PPP2R5C: variants seen among roughly 807,000 people sequenced by gnomAD.
PPP2R5C encodes the protein serine/threonine-protein phosphatase 2A 56 kDa regulatory subunit gamma isoform.
A neutral mutation model predicts 68.9 loss-of-function variants in PPP2R5C; 7 were observed. The observed-to-expected ratio is 0.10, with a 90% CI of 0.06 to 0.19. PPP2R5C has a LOEUF of 0.19. Ranked by LOEUF, PPP2R5C falls within the 10% of genes least tolerant of loss-of-function variation. The pLI is 1.00. For synonymous variants in PPP2R5C, 210 were observed against 222.2 expected (o/e 0.95, Z 0.49); for missense variants, 348 against 641.3 (o/e 0.54, Z 4.94).
rs760648999 is a variant in PPP2R5C, at chr14:101,877,238, C to T, written c.295-4923C>T. Among the ~76,000 whole-genome samples, 6 of 152,078 alleles carry T rather than the reference C, an allele frequency of 3.9e-5. No homozygotes were observed. Among genetic ancestry groups the T allele is most frequent in the Non-Finnish European group, 5.9e-5 (4 of 68,014 alleles). On this transcript the variant is annotated intron_variant, in intron 2 of 13. Coordinates refer to ENST00000334743, the Ensembl canonical transcript of PPP2R5C. The surrounding 1 kb of genome is among the most constrained non-coding windows in gnomAD (Gnocchi z 4.2). ...TGCTGGGATTACAGGCATGAGTCAC[C>T]GCGCCTGGCCTTTACCCTTTCCAAT...
chr14:101,776,583 C>T (rs1219006764), intron 2 of PPP2R5C, among the ~76,000 whole-genome samples: 1 of 152,100 alleles, frequency 6.6e-6, no homozygotes, highest in Non-Finnish European at 1.5e-5. Context: ...CCTTGCTGTT[C>T]TCACCATAAG....
At chr14:101,903,138 C>T (rs1344367471) in intron 9 of PPP2R5C, among the ~76,000 whole-genome samples, 15 of 151,590 alleles carry the variant, frequency 9.9e-5, no homozygotes, top group Admixed American at 9.2e-4. Flanking sequence ...ACCAGCGCCA[C>T]GGAGCCCTGG....
At chr14:101,856,992 T>C in intron 2 of PPP2R5C, 107 bp downstream of exon 4, 1 of 1,068,600 alleles carries the variant, frequency 9.4e-7, no homozygotes, top group East Asian at 2.5e-5. Context: ...AATCCTCCTG[T>C]TCCAGAATTT....
exon 2 of PPP2R5C, chr14:101,856,717 T>C: frequency 6.2e-7 from 1 of 1,614,182 alleles, no homozygotes; most frequent in Non-Finnish European, 8.5e-7. Flanking sequence ...AGAAGCTTTT[T>C]ATCCAGAAGT....
chr14:101,765,881 A>G, intron 2 of PPP2R5C: 1 of 151,976 alleles, frequency 6.6e-6, no homozygotes, highest in Non-Finnish European at 1.5e-5. Flanking sequence ...GCCACCATGC[A>G]GCCCCTTTCA....
intron 1 of PPP2R5C, among the ~76,000 whole-genome samples, chr14:101,838,253 G>T (rs903199168): frequency 6.6e-6 from 1 of 152,224 alleles, no homozygotes; most frequent in African/African-American, 2.4e-5. Context: ...CCTGGAGCCG[G>T]TGTGGTGGAA....
chr14:101,890,230 T>C lies in PPP2R5C; in HGVS notation c.630-7T>C. The C allele has an allele frequency of 6.2e-7, 1 of 1,611,466 alleles. No individual in the cohort carries two copies. The highest frequency in any genetic ancestry group is 1.1e-5 in the South Asian group (1 of 90,826). On this transcript the variant is annotated splice_region_variant and splice_polypyrimidine_tract_variant and intron_variant, in intron 5 of 13. Transcript: ENST00000334743. ...TCTAATTCTAATGGGAAAATTGTTT[T>C]TTCTAGGTTTATTTATGAAACAGAG...
intron 1 of PPP2R5C, among the ~76,000 whole-genome samples, chr14:101,852,157 G>A (rs1010471969): frequency 2.2e-4 from 33 of 152,280 alleles, no homozygotes; most frequent in African/African-American, 7.2e-4. Flanking sequence ...GTAATTTCTT[G>A]TTCTTTGTAG....
intron 1 of PPP2R5C, among the ~76,000 whole-genome samples, chr14:101,832,436 G>A (rs1301732321): frequency 2.6e-5 from 4 of 152,148 alleles, no homozygotes; most frequent in African/African-American, 9.7e-5. Context: ...TTAGTAAAAA[G>A]TGTATCCATT....
chr14:101,760,932 C>G (rs1279527005), upstream of PPP2R5C, among the ~76,000 whole-genome samples: 1 of 84,178 alleles, frequency 1.2e-5, no homozygotes, highest in Non-Finnish European at 2.3e-5. Flanking sequence ...AGGGGCTGGC[C>G]GAGGGAAGAG....
chr14:101,925,931 C>T (rs1184936964), exon 14 of PPP2R5C: 2 of 152,532 alleles, frequency 1.3e-5, no homozygotes, highest in Non-Finnish European at 2.9e-5. Context: ...TGTGGTACTC[C>T]AGGATTCCAG....
At chr14:101,862,105 G>A (rs982754747) in intron 2 of PPP2R5C, among the ~76,000 whole-genome samples, 2 of 152,086 alleles carry the variant, frequency 1.3e-5, no homozygotes, top group African/African-American at 4.8e-5. Context: ...TGTAGACACG[G>A]GGTCTCCACT....
intron 2 of PPP2R5C, among the ~76,000 whole-genome samples, chr14:101,873,588 G>A (rs186726882): frequency 6.6e-6 from 1 of 152,088 alleles, no homozygotes; most frequent in East Asian, 1.9e-4. Context: ...ACAAGTACTG[G>A]GTTCTCACTA....
In PPP2R5C at chr14:101,884,923, A is replaced by G. The variant is rs112727293; in HGVS notation, c.629+1361A>G. On this transcript the variant is annotated intron_variant, in intron 5 of 13. Transcript: ENST00000334743. ...GGCACCAAGTGAATGTCAATAGAGG[A>G]AACAGTTCCTGTTGTTTCTTTTTGT... 6.6e-4 allele frequency among the ~76,000 whole-genome samples: 100 copies of G among 152,340 alleles called. 1 individual carries two copies. Among genetic ancestry groups the G allele is most frequent in the African/African-American group, 2.1e-3 (88 of 41,574 alleles).
chr14:101,889,754 G>A, intron 5 of PPP2R5C: 1 of 329,822 alleles, frequency 3.0e-6, no homozygotes, highest in South Asian at 2.4e-5. Context: ...GAGGAGTTCA[G>A]GAATCACTTC....
chr14:101,807,043 A>AT (rs1566853602), upstream of PPP2R5C, among the ~76,000 whole-genome samples: 1 of 151,978 alleles, frequency 6.6e-6, no homozygotes, highest in East Asian at 1.9e-4. Flanking sequence ...TTTACATGTT[A>AT]TTTTTTTGCT....
At position 101,905,124 on chromosome 14, in the gene PPP2R5C, C is replaced by T. The variant is rs190814937; in HGVS notation, c.1024-1278C>T. Among the ~76,000 whole-genome samples the T allele has an allele frequency of 2.6e-5, 4 of 152,184 alleles. 1 individual carries two copies. The highest frequency in any genetic ancestry group is 4.4e-5 in the Non-Finnish European group (3 of 68,038). On this transcript the variant is annotated intron_variant, in intron 9 of 13. Coordinates refer to ENST00000334743, the Ensembl canonical transcript of PPP2R5C. ...GTCCCAGCACTTTGGGAGGCCAAGG[C>T]GGGTGGATCACCTGAGGTCAGAAGC...
intron 11 of PPP2R5C, among the ~76,000 whole-genome samples, chr14:101,911,319 T>C (rs2046378827): frequency 6.6e-6 from 1 of 151,584 alleles, no homozygotes; most frequent in Non-Finnish European, 1.5e-5. Flanking sequence ...CTGGGTAGTG[T>C]GGGGAAATAA....
chr14:101,901,005 AAT>A (rs751678070), intron 8 of PPP2R5C, among the ~76,000 whole-genome samples: 1 of 152,242 alleles, frequency 6.6e-6, no homozygotes, highest in Non-Finnish European at 1.5e-5. Flanking sequence ...GATGTGAGTT[AAT>A]AAGGTCAGCT....
Sources: gnomAD v4.1 joint callset for allele counts (sites outside exome capture counted in the v4.1 genomes callset) on GRCh38, gnomAD v4.1.1 for gene constraint, Gnocchi (gnomAD v3.1) non-coding constraint, MANE v1.5 for transcripts, NCBI Gene and HGNC (gene_info 2026-07-23, HGNC 2026-07-21) for gene names.